Variants in CHRND observed in about 807,000 individuals in gnomAD.
The protein encoded by CHRND is cholinergic receptor nicotinic delta subunit.
CHRND carries 40 observed loss-of-function variants against 57.8 expected under a neutral mutation model. The observed-to-expected ratio is 0.69, with a 90% CI of 0.54 to 0.90. The LOEUF (loss-of-function observed/expected upper bound fraction) is 0.90. Ranked by LOEUF, CHRND falls within the 40% of genes least tolerant of loss-of-function variation. CHRND has a pLI of 0.00. For missense variants in CHRND, 634 were observed against 673.9 expected (o/e 0.94, Z 0.66); for synonymous variants, 237 against 270.6 (o/e 0.88, Z 1.22).
At position 232,535,435 on chromosome 2, in the gene CHRND, A is replaced by G. The variant is rs753045469; in HGVS notation, c.*123A>G. On this transcript the variant is annotated 3_prime_UTR_variant, in exon 12 of 12. Transcript: ENST00000258385. Reference sequence around the variant, plus strand: ...GACTGGGGAAGAGTCCAAGGAAGGGAGGGAGCAGCCACTCCTCAATGCTCA... The same window carrying G: ...GACTGGGGAAGAGTCCAAGGAAGGGGGGGAGCAGCCACTCCTCAATGCTCA... 1.6e-6 allele frequency: 2 copies of G among 1,225,002 alleles called. No homozygotes were observed. The highest frequency in any genetic ancestry group is 1.2e-5 in the South Asian group (1 of 80,138). The allele number at this position is 1,225,002 out of a possible 1,614,324, so 75.9% of individuals were successfully genotyped here.
At chr2:232,527,313 AGAG>A (rs1691511603) in intron 2 of CHRND, 85 bp from the exon 3 acceptor site, 41 of 1,063,726 alleles carry the variant, frequency 3.9e-5, no homozygotes, top group South Asian at 1.9e-4. Context: ...AAAAAAAAAG[AGAG>A]AGAGAGAGAG....
In CHRND at chr2:232,528,271, GAC is replaced by G. The variant is rs1380320539; in HGVS notation, c.255_256del (p.Asp85GlufsTer8). ...TNVWIEHGWT[D>X]NRLKWNAEEF... ...GCCTTTGGGATTCCAGGGCTGGACA[GAC>G]AACCGGCTGAAGTGGAATGCTGAAG... On this transcript the variant is annotated frameshift_variant, in exon 4 of 12. Transcript: ENST00000258385. LOFTEE classifies it high-confidence loss of function. The G allele has an allele frequency of 1.2e-6, 2 of 1,614,188 alleles. No individual in the cohort carries two copies. Among genetic ancestry groups the G allele is most frequent in the Admixed American group, 3.3e-5 (2 of 60,020 alleles).
At chr2:232,531,968 A>G (rs76116841) in intron 9 of CHRND, among the ~76,000 whole-genome samples, 1 of 149,666 alleles carries the variant, frequency 6.7e-6, no homozygotes, top group Non-Finnish European at 1.5e-5. Flanking sequence ...AAAAAAAAAA[A>G]AAAAAAGAAA....
At chr2:232,529,862 C>A (rs1389919693) in intron 6 of CHRND, 77 bp from the exon 7 acceptor site, 2 of 1,515,532 alleles carry the variant, frequency 1.3e-6, no homozygotes, top group Admixed American at 3.4e-5. Flanking sequence ...CCCTGCCCAG[C>A]CCCTCATTCT....
intron 1 of CHRND, 22 bp from the exon 2 acceptor site, chr2:232,526,507 C>G: frequency 6.2e-7 from 1 of 1,613,414 alleles, no homozygotes. Context: ...CCCATTCAGT[C>G]CTTGTCGCTG....
At chr2:232,527,840 A>G (rs1691540058) in intron 3 of CHRND, among the ~76,000 whole-genome samples, 1 of 152,134 alleles carries the variant, frequency 6.6e-6, no homozygotes, top group South Asian at 2.1e-4. Context: ...TGCCTTGGAC[A>G]CTGTTCTCCA....
At position 232,526,274 on chromosome 2, in the gene CHRND, G is replaced by A. The variant is rs1388167579; in HGVS notation, c.52+7G>A. 2 of 1,611,678 alleles carry A rather than the reference G, an allele frequency of 1.2e-6. No homozygotes were observed. Among genetic ancestry groups the A allele is most frequent in the East Asian group, 4.5e-5 (2 of 44,838 alleles). ...GCTGCCCTGGCGGTGTGTGGTAAGG[G>A]AAGACACCCTCCCCACCCTGGGGTC... On this transcript the variant is annotated splice_region_variant and intron_variant, in intron 1 of 11. Coordinates refer to ENST00000258385, the MANE Select transcript of CHRND (RefSeq NM_000751.3).
At chr2:232,529,788 C>T (rs943138943) in intron 6 of CHRND, 151 bp from the exon 7 acceptor site, 1 of 701,074 alleles carries the variant, frequency 1.4e-6, no homozygotes, top group African/African-American at 1.8e-5. Flanking sequence ...TCCCGACCCC[C>T]CAGGGAACGA....
At position 232,526,232 on chromosome 2, in the gene CHRND, T is replaced by C; in HGVS notation, c.17T>C (p.Leu6Pro). 1 of 1,611,548 alleles carries C rather than the reference T, an allele frequency of 6.2e-7. No homozygotes were observed. The highest frequency in any genetic ancestry group is 8.5e-7 in the Non-Finnish European group (1 of 1,178,872). MEGPV[L>P]TLGLLAALAV... ...AGGGATGGGATGGAGGGGCCAGTGC[T>C]GACACTGGGGCTGCTGGCTGCCCTG... The change falls in exon 1 of 12, where the codon CTG becomes CCG. Residue 6 changes from leucine (L) to proline (P), a missense_variant. Coordinates refer to ENST00000258385, the MANE Select transcript of CHRND (RefSeq NM_000751.3).
Position 232,528,285 on chromosome 2 carries a change from G to C in CHRND, c.267G>C (p.Lys89Asn), listed in dbSNP as rs545298641. 1.2e-4 allele frequency: 186 copies of C among 1,614,218 alleles called. 3 individuals are homozygous for C. The South Asian group carries it at 2.0e-3, about 17-fold the overall frequency. Residue 89 changes from lysine to asparagine, a missense_variant, in exon 4 of 12, where the codon AAG becomes AAC. Transcript: ENST00000258385. Reference protein sequence around the residue: ...IEHGWTDNRLKWNAEEFGNIS... With the variant: ...IEHGWTDNRLNWNAEEFGNIS... ...AGGGCTGGACAGACAACCGGCTGAA[G>C]TGGAATGCTGAAGAATTTGGAAACA...
chr2:232,526,236 A>G lies in CHRND; in HGVS notation c.21A>G (p.Thr7=). ...ATGGGATGGAGGGGCCAGTGCTGAC[A>G]CTGGGGCTGCTGGCTGCCCTGGCGG... The part of the protein sequence containing the change: MEGPVL[T]LGLLAALAVC... The change falls in exon 1 of 12, where the codon ACA becomes ACG. Residue 7 remains threonine (T), a synonymous_variant. Transcript: ENST00000258385. The G allele has an allele frequency of 6.2e-7, 1 of 1,612,650 alleles. No homozygotes were observed. The highest frequency in any genetic ancestry group is 8.5e-7 in the Non-Finnish European group (1 of 1,179,556).
In CHRND at chr2:232,530,710, C is replaced by A. The variant is rs138647480; in HGVS notation, c.820+571C>A. On this transcript the variant is annotated intron_variant, in intron 7 of 11. Transcript: ENST00000258385. ...ATCTGCAGTGGGGTTGGGAGGGCTTCTAGAGGAGGTGGAGTTTGAATGGAC... is the reference window on the plus strand; with the variant it reads ...ATCTGCAGTGGGGTTGGGAGGGCTTATAGAGGAGGTGGAGTTTGAATGGAC... Among the ~76,000 whole-genome samples, 173 of 152,192 alleles carry A rather than the reference C, an allele frequency of 1.1e-3. 1 individual carries two copies. Among genetic ancestry groups the A allele is most frequent in the African/African-American group, 3.8e-3 (159 of 41,544 alleles).
rs1195345410 is a variant in CHRND, at chr2:232,535,472, G to A, written c.*160G>A. ...CTCCTCAATGCTCAATGGCTCCCCTGAAATCAAGACAGGGGCCACCCGAGA... is the reference window on the plus strand; with the variant it reads ...CTCCTCAATGCTCAATGGCTCCCCTAAAATCAAGACAGGGGCCACCCGAGA... On this transcript the variant is annotated 3_prime_UTR_variant, in exon 12 of 12. Transcript: ENST00000258385. The A allele has an allele frequency of 1.1e-6, 1 of 918,568 alleles. No individual in the cohort carries two copies. The highest frequency in any genetic ancestry group is 1.7e-6 in the Non-Finnish European group (1 of 584,550). The allele number at this position is 918,568 out of a possible 1,614,324, so 56.9% of individuals were successfully genotyped here.
rs1691903151 is a variant in CHRND, at chr2:232,536,642, T to G, written c.*1330T>G. The G allele has an allele frequency of 5.6e-6, 2 of 358,428 alleles. No homozygotes were observed. The highest frequency in any genetic ancestry group is 4.2e-5 in the South Asian group (2 of 47,838). The allele number at this position is 358,428 out of a possible 1,614,324, so 22.2% of individuals were successfully genotyped here. Reference sequence around the variant, plus strand: ...GACCCCCAGAAACTGTGTGAGATAATAAATGTGTGTTGTTTTAAGTGACAA... The same window carrying G: ...GACCCCCAGAAACTGTGTGAGATAAGAAATGTGTGTTGTTTTAAGTGACAA... On this transcript the variant is annotated 3_prime_UTR_variant, in exon 12 of 12. Coordinates refer to ENST00000258385, the MANE Select transcript of CHRND (RefSeq NM_000751.3).
chr2:232,528,621 C>T lies in CHRND; in HGVS notation c.474C>T (p.Phe158=). 1.2e-6 allele frequency: 2 copies of T among 1,614,164 alleles called. No homozygotes were observed. The highest frequency in any genetic ancestry group is 1.1e-5 in the South Asian group (1 of 91,076). ...RSSCPISVTY[F]PFDWQNCSLK... The stretch of plus-strand genomic sequence containing the variant: ...CCTGCCCCATCTCTGTCACCTATTT[C>T]CCCTTCGACTGGCAGAACTGCTCCC... Residue 158 remains phenylalanine, a synonymous_variant, in exon 5 of 12, where the codon TTC becomes TTT. Transcript: ENST00000258385.
intron 9 of CHRND, among the ~76,000 whole-genome samples, chr2:232,533,300 G>A (rs112060860): frequency 7.9e-5 from 12 of 152,200 alleles, no homozygotes; most frequent in Admixed American, 6.5e-5. Flanking sequence ...GACTATAGGC[G>A]TGAGCCACTG....
chr2:232,526,705 G>A (rs760709148), intron 2 of CHRND, 31 bp downstream of exon 2: 2 of 1,610,852 alleles, frequency 1.2e-6, no homozygotes, highest in African/African-American at 1.3e-5. Flanking sequence ...GGGTTGGGAG[G>A]GAGGGCAGGG....
At position 232,528,389 on chromosome 2, in the gene CHRND, C is replaced by T. The variant is rs1396177453; in HGVS notation, c.353+18C>T. The T allele has an allele frequency of 1.9e-6, 3 of 1,613,862 alleles. No individual in the cohort carries two copies. The highest frequency in any genetic ancestry group is 2.2e-5 in the East Asian group (1 of 44,878). On this transcript the variant is annotated intron_variant, in intron 4 of 11. Transcript: ENST00000258385. ...GAGAACAAGTTGAGCCAAGCCCTCC[C>T]TGACCTCCCCTCTGTCACCCTGCCT...
intron 3 of CHRND, among the ~76,000 whole-genome samples, chr2:232,527,781 C>T (rs1283621925): frequency 6.6e-6 from 1 of 152,126 alleles, no homozygotes; most frequent in Non-Finnish European, 1.5e-5. Context: ...CCGGTGGGGT[C>T]GGGGAGGGAA....
Sources: allele counts gnomAD v4.1 joint callset (sites outside exome capture counted in the v4.1 genomes callset), GRCh38; gene constraint gnomAD v4.1.1; transcripts MANE v1.5; gene names NCBI Gene and HGNC (gene_info 2026-07-23, HGNC 2026-07-21).